Variants in CLOCK observed in about 807,000 individuals in gnomAD.
The protein encoded by CLOCK is circadian locomoter output cycles protein kaput.
Under a neutral mutation model 118.4 loss-of-function variants are expected in CLOCK, and 43 were observed. The observed-to-expected ratio is 0.36, with a 90% CI of 0.28 to 0.47. The LOEUF (loss-of-function observed/expected upper bound fraction) is 0.47, where lower values mean the gene tolerates loss of function less well. Ranked by LOEUF, CLOCK falls within the 20% of genes least tolerant of loss-of-function variation. The pLI, the probability that CLOCK is intolerant of heterozygous loss-of-function variation, is 1.00. For synonymous variants in CLOCK, 326 were observed against 339.2 expected (o/e 0.96, Z 0.43); for missense variants, 846 against 999.9 (o/e 0.85, Z 2.08).
chr4:55,462,218 T>C (rs1487503696), intron 9 of CLOCK, among the ~76,000 whole-genome samples: 1 of 152,226 alleles, frequency 6.6e-6, no homozygotes, highest in Non-Finnish European at 1.5e-5. Context: ...GTCGATTTTA[T>C]TCTTAGTAGG....
chr4:55,456,153 C>T (rs1724908980), intron 12 of CLOCK, 65 bp downstream of exon 12: 2 of 1,379,952 alleles, frequency 1.4e-6, no homozygotes, highest in Non-Finnish European at 2.0e-6. Context: ...TGCCCTTGAT[C>T]CATTAATTTC....
intron 1 of CLOCK, among the ~76,000 whole-genome samples, chr4:55,537,503 C>T (rs1408585443): frequency 1.3e-5 from 2 of 152,122 alleles, no homozygotes; most frequent in Non-Finnish European, 1.5e-5. Context: ...CCTGTAATCC[C>T]AGCACTTAAT....
chr4:55,503,977 G>GGAA (rs1560463004), intron 2 of CLOCK, among the ~76,000 whole-genome samples: 2 of 25,098 alleles, frequency 8.0e-5, no homozygotes, highest in Non-Finnish European at 1.9e-4. Context: ...GCAAAAAGAG[G>GGAA]TAAAAAAAAA....
chr4:55,523,231 C>T (rs918094656), intron 1 of CLOCK, among the ~76,000 whole-genome samples: 2 of 151,978 alleles, frequency 1.3e-5, no homozygotes, highest in African/African-American at 4.8e-5. Context: ...ATCTGGGAGG[C>T]GGAGCTTGCA....
At chr4:55,536,721 C>T (rs1210276521) in intron 1 of CLOCK, among the ~76,000 whole-genome samples, 1 of 152,150 alleles carries the variant, frequency 6.6e-6, no homozygotes, top group East Asian at 1.9e-4. Context: ...TGCAAACAGA[C>T]TAATACAGCT....
chr4:55,538,988 T>A (rs527429294), intron 1 of CLOCK, among the ~76,000 whole-genome samples: 1 of 152,294 alleles, frequency 6.6e-6, no homozygotes, highest in South Asian at 2.1e-4. Flanking sequence ...TCCTAGCACT[T>A]TGGGAGGCCA....
intron 1 of CLOCK, among the ~76,000 whole-genome samples, chr4:55,520,118 C>A (rs1215434859): frequency 6.6e-6 from 1 of 152,188 alleles, no homozygotes; most frequent in African/African-American, 2.4e-5. Context: ...GGATAAGATT[C>A]TGTTATCCTA....
intron 11 of CLOCK, among the ~76,000 whole-genome samples, chr4:55,457,404 T>G (rs994553780): frequency 3.3e-5 from 5 of 152,186 alleles, no homozygotes; most frequent in African/African-American, 4.8e-5. Context: ...TCATCCATCT[T>G]GAGTGCATTG....
At chr4:55,450,265 G>A (rs935888197) in intron 15 of CLOCK, 33 bp from the exon 16 acceptor site, 3 of 1,613,044 alleles carry the variant, frequency 1.9e-6, no homozygotes, top group African/African-American at 1.3e-5. Flanking sequence ...ATGTTTTCTT[G>A]TGGTTCAGTT....
At chr4:55,467,643 A>C (rs1725825171) in intron 8 of CLOCK, among the ~76,000 whole-genome samples, 1 of 152,216 alleles carries the variant, frequency 6.6e-6, no homozygotes, top group Non-Finnish European at 1.5e-5. Context: ...TACTTATTTT[A>C]AATTACTTAG....
intron 1 of CLOCK, among the ~76,000 whole-genome samples, chr4:55,539,572 C>CAAAAAAAAAAAAAAAA (rs57022769): frequency 5.8e-5 from 3 of 52,064 alleles, no homozygotes; most frequent in Non-Finnish European, 9.6e-5. Flanking sequence ...GACCTTGTCT[C>CAAAAAAAAAAAAAAAA]AAAAAAAAAA....
rs185419045 is a variant in CLOCK at position 55,526,921 on chromosome 4, C to T, written c.-289-16856G>A. 1.2e-3 allele frequency among the ~76,000 whole-genome samples: 136 copies of T among 117,898 alleles called. 1 individual carries two copies. Among genetic ancestry groups the T allele is most frequent in the African/African-American group, 4.0e-3 (122 of 30,572 alleles). 77.3% of individuals were successfully genotyped at this position (117,898 alleles called of 152,430 possible). A position where few individuals can be genotyped will look rare whatever the true frequency, so the allele number is the denominator to read the frequency against. The stretch of plus-strand genomic sequence containing the variant: ...GAGATCACACCACTGCACTCCAGCC[C>T]GGGTGACAGAGTGAGACTCCGTCTC... On this transcript the variant is annotated intron_variant, in intron 1 of 22. Coordinates refer to ENST00000513440, the MANE Select transcript of CLOCK (RefSeq NM_004898.4).
At chr4:55,494,446 G>GT (rs1294524022) in intron 2 of CLOCK, among the ~76,000 whole-genome samples, 1 of 152,134 alleles carries the variant, frequency 6.6e-6, no homozygotes, top group Non-Finnish European at 1.5e-5. Flanking sequence ...AAATAATCAC[G>GT]TGAGTTCTTA....
intron 4 of CLOCK, among the ~76,000 whole-genome samples, 175 bp from the exon 5 acceptor site, chr4:55,479,874 AATT>A (rs1292608098): frequency 2.0e-5 from 3 of 152,198 alleles, no homozygotes. Flanking sequence ...ATTCAGTAAT[AATT>A]ATATTTTTAA....
intron 4 of CLOCK, among the ~76,000 whole-genome samples, chr4:55,480,845 C>T (rs868806432): frequency 3.3e-5 from 5 of 149,610 alleles, no homozygotes; most frequent in Admixed American, 6.7e-5. Context: ...GAGCCGAGAT[C>T]GTACCACTGC....
chr4:55,448,061 T>G (rs574759207), intron 18 of CLOCK, among the ~76,000 whole-genome samples: 2 of 152,190 alleles, frequency 1.3e-5, no homozygotes, highest in Non-Finnish European at 2.9e-5. Flanking sequence ...ACAATTCTCC[T>G]AGAAAGTTTT....
intron 1 of CLOCK, among the ~76,000 whole-genome samples, chr4:55,536,998 T>C (rs998757372): frequency 6.6e-6 from 1 of 152,132 alleles, no homozygotes; most frequent in Non-Finnish European, 1.5e-5. Context: ...TTCTAGGCCA[T>C]AAAATAAATC....
Position 55,442,544 on chromosome 4 carries a change from T to C in CLOCK, c.1993A>G (p.Met665Val), listed in dbSNP as rs149495777. 8.7e-6 allele frequency: 14 copies of C among 1,610,556 alleles called. No individual in the cohort carries two copies. Among genetic ancestry groups the C allele is most frequent in the African/African-American group, 5.4e-5 (4 of 73,538 alleles). The change falls in exon 21 of 23, where the codon ATG becomes GTG. Residue 665 changes from methionine to valine, a missense_variant. Physicochemically the swap from Met to Val is conservative, Grantham distance 21. This residue lies in a region of CLOCK where 520 missense variants were observed against 558.0 expected (regional missense o/e 0.93). Coordinates refer to ENST00000513440, the MANE Select transcript of CLOCK (RefSeq NM_004898.4). ...STLTAPLYNTMVISQPAAGSM... is the reference protein window; with the variant it reads ...STLTAPLYNTVVISQPAAGSM... ...CCGGCTGCAGGCTGAGAAATCACCA[T>C]AGTGTTATACAGTGGGGCTGTAAGA... is the stretch of plus-strand genomic sequence containing the variant.
intron 21 of CLOCK, among the ~76,000 whole-genome samples, chr4:55,441,812 T>C (rs1057491239): frequency 4.6e-5 from 7 of 152,162 alleles, no homozygotes; most frequent in Admixed American, 1.3e-4. Context: ...AAGTTATAGA[T>C]GGTTGTTTTT....
Sources: gnomAD v4.1 joint callset for allele counts (sites outside exome capture counted in the v4.1 genomes callset) on GRCh38, gnomAD v4.1.1 for gene constraint, gnomAD v4.1.1 regional missense constraint, MANE v1.5 for transcripts, NCBI Gene and HGNC (gene_info 2026-07-23, HGNC 2026-07-21) for gene names.